The following MRPL15 variants were observed in gnomAD, a reference collection of about 807,000 sequenced individuals.
MRPL15 encodes large ribosomal subunit protein uL15m.
In MRPL15, 24 loss-of-function variants were observed where a neutral mutation model predicts 28.0. That is an observed-to-expected ratio of 0.86 (90% CI 0.62 to 1.21). The LOEUF (loss-of-function observed/expected upper bound fraction) is 1.21, where lower values mean the gene tolerates loss of function less well. Among genes scored for constraint, MRPL15 ranks in the 50% most tolerant of loss-of-function variants. The probability of loss-of-function intolerance (pLI) is 0.00; values close to 1 mark genes in which losing one functional copy is unlikely to be tolerated. For missense variants in MRPL15, 343 were observed against 372.4 expected (o/e 0.92, Z 0.65); for synonymous variants, 124 against 137.0 (o/e 0.90, Z 0.66).
intron 3 of MRPL15, among the ~76,000 whole-genome samples, chr8:54,141,891 C>T (rs1206667017): frequency 4.4e-5 from 6 of 136,976 alleles, no homozygotes; most frequent in African/African-American, 1.7e-4. Flanking sequence ...CTTGCTCTGT[C>T]TCCCAGACTG....
chr8:54,142,844 A>G, intron 4 of MRPL15, 58 bp downstream of exon 4: 1 of 1,604,094 alleles, frequency 6.2e-7, no homozygotes, highest in South Asian at 1.1e-5. Flanking sequence ...TTGGCTACTA[A>G]TTTTAAATTA....
At chr8:54,137,214 C>A in intron 2 of MRPL15, 54 bp from the exon 3 acceptor site, 1 of 1,529,774 alleles carries the variant, frequency 6.5e-7, no homozygotes, top group Non-Finnish European at 8.9e-7. Flanking sequence ...GAGTTGATTT[C>A]GAGAAGTTAC....
intron 4 of MRPL15, among the ~76,000 whole-genome samples, chr8:54,145,636 CT>C (rs34855571): frequency 0.011 from 1,694 of 151,988 alleles, 13 homozygotes; most frequent in Non-Finnish European, 0.016. Context: ...ACCATGCTAA[CT>C]TTTTTTTGTT....
In MRPL15 at chr8:54,142,690, A is replaced by G; in HGVS notation, c.457A>G (p.Asn153Asp). ...TGCTGACACCTTTACGGCAAAAGTT[A>G]ATATTGAAGTACAGTTGGCTTCAGA... ...EGADTFTAKV[N>D]IEVQLASELA... Residue 153 changes from asparagine to aspartate, a missense_variant, in exon 4 of 5, where the codon AAT becomes GAT. Asn to Asp is a conservative substitution (Grantham distance 23). Coordinates refer to ENST00000260102, the MANE Select transcript of MRPL15 (RefSeq NM_014175.4). 2 of 1,614,120 alleles carry G rather than the reference A, an allele frequency of 1.2e-6. No homozygotes were observed. Among genetic ancestry groups the G allele is most frequent in the Non-Finnish European group, 1.7e-6 (2 of 1,180,020 alleles).
chr8:54,137,176 G>T, intron 2 of MRPL15, 92 bp from the exon 3 acceptor site: 2 of 1,265,982 alleles, frequency 1.6e-6, no homozygotes, highest in Non-Finnish European at 2.2e-6. Context: ...AAATAAAATT[G>T]GTGGAGGAAA....
intron 2 of MRPL15, 117 bp from the exon 3 acceptor site, chr8:54,137,151 G>A: frequency 9.9e-7 from 1 of 1,011,450 alleles, no homozygotes; most frequent in Non-Finnish European, 1.5e-6. Context: ...ACACTCAAGA[G>A]GGTTTTGTTT....
intron 2 of MRPL15, 45 bp from the exon 3 acceptor site, chr8:54,137,222 TA>T: frequency 6.4e-7 from 1 of 1,565,796 alleles, no homozygotes; most frequent in African/African-American, 1.4e-5. Context: ...TTCGAGAAGT[TA>T]CAGGAAGATG....
In MRPL15 at chr8:54,147,500, G is replaced by T; in HGVS notation, c.672G>T (p.Ala224=). The change falls in exon 5 of 5, where the codon GCG becomes GCT. Residue 224 remains alanine (A), a synonymous_variant. Coordinates refer to ENST00000260102, the MANE Select transcript of MRPL15 (RefSeq NM_014175.4). ...YTDAKNRGYL[A]DPAKFPEARL... ...ATGCAAAGAACCGTGGGTACCTGGC[G>T]GATCCTGCCAAATTTCCTGAAGCAC... 6.2e-7 allele frequency: 1 copy of T among 1,614,148 alleles called. No individual in the cohort carries two copies. Among genetic ancestry groups the T allele is most frequent in the African/African-American group, 1.3e-5 (1 of 75,020 alleles).
At chr8:54,140,659 C>T (rs1225612353) in intron 3 of MRPL15, among the ~76,000 whole-genome samples, 1 of 145,814 alleles carries the variant, frequency 6.9e-6, no homozygotes, top group East Asian at 2.2e-4. Context: ...CTGCAAGCTC[C>T]GCCTCCCGGG....
chr8:54,148,005 T>C lies in MRPL15; in HGVS notation c.*286T>C, dbSNP rs765312955. On this transcript the variant is annotated 3_prime_UTR_variant, in exon 5 of 5. Transcript: ENST00000260102. ...TATTTCTAGTTTGTTTTTTCAGTGA[T>C]CTTTTCATCCAGGCCTTGTTACTGT... is the stretch of plus-strand genomic sequence containing the variant. The C allele has an allele frequency of 2.0e-5, 6 of 303,048 alleles. No individual in the cohort carries two copies. Among genetic ancestry groups the C allele is most frequent in the Non-Finnish European group, 3.1e-5 (5 of 162,142 alleles). 18.8% of individuals were successfully genotyped at this position (303,048 alleles called of 1,614,324 possible).
chr8:54,142,709 C>T lies in MRPL15; in HGVS notation c.476C>T (p.Ala159Val). The T allele has an allele frequency of 1.9e-6, 3 of 1,614,106 alleles. No homozygotes were observed. Among genetic ancestry groups the T allele is most frequent in the Non-Finnish European group, 2.5e-6 (3 of 1,180,002 alleles). Residue 159 changes from alanine to valine, a missense_variant, in exon 4 of 5, where the codon GCT becomes GTT. Ala to Val is a moderately conservative substitution (Grantham distance 64). Transcript: ENST00000260102. ...AAAGTTAATATTGAAGTACAGTTGG[C>T]TTCAGAACTAGCTATTGCTGCCATT... ...TAKVNIEVQL[A>V]SELAIAAIEK...
chr8:54,137,527 A>T, intron 3 of MRPL15, 94 bp downstream of exon 3: 1 of 1,181,932 alleles, frequency 8.5e-7, no homozygotes, highest in Admixed American at 2.5e-5. Context: ...ACAGTGGCGC[A>T]ATCTCGGCTC....
At chr8:54,136,853 C>T (rs369004759) in intron 2 of MRPL15, among the ~76,000 whole-genome samples, 188 bp downstream of exon 2, 9 of 152,310 alleles carry the variant, frequency 5.9e-5, no homozygotes, top group Admixed American at 3.3e-4. Context: ...GAGGCCCAGA[C>T]ACTGCACTTA....
At chr8:54,144,545 C>G (rs966815429) in intron 4 of MRPL15, among the ~76,000 whole-genome samples, 14 of 152,074 alleles carry the variant, frequency 9.2e-5, no homozygotes, top group African/African-American at 3.4e-4. Flanking sequence ...CCGAGATGGA[C>G]GGATCACATG....
At chr8:54,138,916 TC>T (rs1464726241) in intron 3 of MRPL15, among the ~76,000 whole-genome samples, 2 of 152,058 alleles carry the variant, frequency 1.3e-5, no homozygotes, top group Admixed American at 1.3e-4. Context: ...ACCTCTTGTC[TC>T]CTGAGTTCAA....
intron 4 of MRPL15, among the ~76,000 whole-genome samples, chr8:54,145,310 G>T (rs755769622): frequency 7.2e-5 from 11 of 152,014 alleles, no homozygotes; most frequent in Non-Finnish European, 1.0e-4. Context: ...CAACTCCTGG[G>T]CTCAAGTGAT....
intron 1 of MRPL15, 100 bp from the exon 2 acceptor site, chr8:54,136,411 G>C (rs1810828343): frequency 7.7e-7 from 1 of 1,304,788 alleles, no homozygotes; most frequent in African/African-American, 1.5e-5. Context: ...GCTAGCACTG[G>C]TGGGCTGGAT....
Position 54,147,545 on chromosome 8 carries a change from G to T in MRPL15, c.717G>T (p.Lys239Asn). The change falls in exon 5 of 5, where the codon AAG becomes AAT. Residue 239 changes from lysine (K) to asparagine (N), a missense_variant. Physicochemically the swap from Lys to Asn is moderately conservative, Grantham distance 94. Transcript: ENST00000260102. Reference sequence around the variant, plus strand: ...AAGCACGACTTGAACTCGCCAGGAAGTATGGTTATATCTTACCTGATATCA... The same window carrying T: ...AAGCACGACTTGAACTCGCCAGGAATTATGGTTATATCTTACCTGATATCA... ...FPEARLELAR[K>N]YGYILPDITK... is the part of the protein sequence containing the mutation. 6.2e-7 allele frequency: 1 copy of T among 1,614,182 alleles called. No individual in the cohort carries two copies. The highest frequency in any genetic ancestry group is 1.1e-5 in the South Asian group (1 of 91,084).
chr8:54,144,505 T>C (rs1378332474), intron 4 of MRPL15, among the ~76,000 whole-genome samples: 4 of 152,184 alleles, frequency 2.6e-5, no homozygotes, highest in Non-Finnish European at 4.4e-5. Flanking sequence ...GCGCAGTGGC[T>C]CATTCCTGTA....
Sources: gnomAD v4.1 joint callset for allele counts (sites outside exome capture counted in the v4.1 genomes callset) on GRCh38, gnomAD v4.1.1 for gene constraint, MANE v1.5 for transcripts, NCBI Gene and HGNC (gene_info 2026-07-23, HGNC 2026-07-21) for gene names.